The following ZNF385D variants were observed in gnomAD, a reference collection of about 807,000 sequenced individuals.
ZNF385D encodes zinc finger protein 659.
In ZNF385D, 15 loss-of-function variants were observed where a neutral mutation model predicts 35.8. That is an observed-to-expected ratio of 0.42 (90% confidence interval 0.28 to 0.64). ZNF385D has a LOEUF of 0.64. ZNF385D is among the 30% of genes least tolerant of loss of function. The probability of loss-of-function intolerance (pLI) is 0.23; values close to 1 mark genes in which losing one functional copy is unlikely to be tolerated. For synonymous variants in ZNF385D, 212 were observed against 186.8 expected (o/e 1.13, Z -1.10); for missense variants, 474 against 494.6 (o/e 0.96, Z 0.39).
chr3:22,224,868 A>C (rs1698463532), intron 2 of ZNF385D, among the ~76,000 whole-genome samples: 1 of 152,102 alleles, frequency 6.6e-6, no homozygotes, highest in Admixed American at 6.6e-5. Flanking sequence ...ACCTCTATTC[A>C]TGAGAGTTTT....
intron 4 of ZNF385D, among the ~76,000 whole-genome samples, chr3:21,503,906 A>G (rs1201168404): frequency 2.0e-5 from 3 of 152,164 alleles, no homozygotes; most frequent in Non-Finnish European, 4.4e-5. Context: ...ATTCAAAAGT[A>G]TTTTACTTTT....
chr3:21,585,599 G>A (rs1376749529), intron 2 of ZNF385D, among the ~76,000 whole-genome samples: 2 of 152,142 alleles, frequency 1.3e-5, no homozygotes, highest in African/African-American at 4.8e-5. Context: ...TAATCTGGCT[G>A]CCTACGCACC....
chr3:21,861,559 A>T (rs189837660), intron 3 of ZNF385D, among the ~76,000 whole-genome samples: 1 of 152,134 alleles, frequency 6.6e-6, no homozygotes, highest in Non-Finnish European at 1.5e-5. Flanking sequence ...GTTGAACACT[A>T]AAATCACTGA....
intron 2 of ZNF385D, among the ~76,000 whole-genome samples, chr3:22,270,831 T>A (rs1701138450): frequency 6.6e-6 from 1 of 152,026 alleles, no homozygotes. Context: ...ACTTATGTAA[T>A]TTTCCTCTGT....
intron 3 of ZNF385D, among the ~76,000 whole-genome samples, chr3:22,110,528 T>C (rs1702463292): frequency 6.6e-6 from 1 of 151,754 alleles, no homozygotes; most frequent in African/African-American, 2.4e-5. Context: ...CTCAGCAAAC[T>C]ATCACAAGGA....
At chr3:21,793,703 AT>A (rs2072023849) in intron 3 of ZNF385D, among the ~76,000 whole-genome samples, 1 of 152,230 alleles carries the variant, frequency 6.6e-6, no homozygotes, top group Non-Finnish European at 1.5e-5. Flanking sequence ...TTTAGAAATG[AT>A]TTTTAAATAG....
intron 5 of ZNF385D, among the ~76,000 whole-genome samples, chr3:21,436,591 G>A (rs368472821): frequency 3.9e-5 from 6 of 152,036 alleles, no homozygotes; most frequent in East Asian, 1.9e-4. Flanking sequence ...TTAGAGTCAC[G>A]CAACTACACA....
upstream of ZNF385D, among the ~76,000 whole-genome samples, chr3:21,755,589 G>C (rs1168592831): frequency 6.6e-6 from 1 of 152,094 alleles, no homozygotes; most frequent in Non-Finnish European, 1.5e-5. Context: ...GACTAAATGA[G>C]GTGTTGTTTG....
chr3:21,710,961 C>T (rs2068076946), intron 1 of ZNF385D, among the ~76,000 whole-genome samples: 1 of 151,464 alleles, frequency 6.6e-6, no homozygotes. Context: ...CCCATTCCTT[C>T]CTCTATCATA....
At chr3:22,230,577 A>C (rs1452262083) in intron 2 of ZNF385D, among the ~76,000 whole-genome samples, 1 of 152,176 alleles carries the variant, frequency 6.6e-6, no homozygotes, top group African/African-American at 2.4e-5. Context: ...AAATAAGCAC[A>C]ACCAGTTACT....
intron 2 of ZNF385D, among the ~76,000 whole-genome samples, chr3:22,181,528 C>G (rs1015770370): frequency 2.0e-5 from 3 of 152,012 alleles, no homozygotes; most frequent in Non-Finnish European, 4.4e-5. Context: ...AACCCCCTCT[C>G]TACTAAACAC....
chr3:22,111,990 T>C (rs561102532), intron 3 of ZNF385D, among the ~76,000 whole-genome samples: 1 of 152,272 alleles, frequency 6.6e-6, no homozygotes, highest in African/African-American at 2.4e-5. Flanking sequence ...TCGGCTGTGC[T>C]AATATGCATA....
Position 22,151,818 on chromosome 3 carries a change from G to C in ZNF385D, c.325+16999C>G, listed in dbSNP as rs1188987811. On this transcript the variant is annotated intron_variant, in intron 3 of 5. Transcript: ENST00000494108. ...CCACCGTGAGCCCTTTAACCACAAG[G>C]GCTAGAAGAAAATTCAATTTACCTC... 2.0e-5 allele frequency among the ~76,000 whole-genome samples: 3 copies of C among 151,960 alleles called. No homozygotes were observed. The East Asian group carries it at 5.8e-4, about 29-fold the overall frequency.
chr3:22,131,792 A>G (rs1703810616), intron 3 of ZNF385D, among the ~76,000 whole-genome samples: 1 of 152,278 alleles, frequency 6.6e-6, no homozygotes, highest in South Asian at 2.1e-4. Context: ...GAGAATACAG[A>G]TGAGAGAAAG....
At chr3:22,000,442 G>C (rs144729693) in intron 3 of ZNF385D, among the ~76,000 whole-genome samples, 1 of 152,078 alleles carries the variant, frequency 6.6e-6, no homozygotes, top group Admixed American at 6.5e-5. Flanking sequence ...TACCCTATAT[G>C]GTCTAAAAAG....
At chr3:21,980,328 A>T (rs1222513798) in intron 3 of ZNF385D, among the ~76,000 whole-genome samples, 1 of 152,180 alleles carries the variant, frequency 6.6e-6, no homozygotes, top group African/African-American at 2.4e-5. Flanking sequence ...TCGCTTTTGA[A>T]TTCCTGACTC....
intron 2 of ZNF385D, among the ~76,000 whole-genome samples, chr3:22,306,729 G>C (rs1373828122): frequency 6.6e-6 from 1 of 152,088 alleles, no homozygotes; most frequent in Admixed American, 6.6e-5. Flanking sequence ...GGAGAGATAA[G>C]ATTTGCTAAT....
chr3:22,066,209 C>A (rs1699939961), intron 3 of ZNF385D, among the ~76,000 whole-genome samples: 1 of 151,374 alleles, frequency 6.6e-6, no homozygotes, highest in Non-Finnish European at 1.5e-5. Flanking sequence ...AAGTTATGCT[C>A]AGAAAAGAAA....
chr3:21,760,099 C>A (rs963046300), intron 3 of ZNF385D, among the ~76,000 whole-genome samples: 4 of 152,162 alleles, frequency 2.6e-5, no homozygotes, highest in African/African-American at 9.7e-5. Context: ...ACATTCTTTT[C>A]ATTATCTCTC....
Sources: allele counts gnomAD v4.1 joint callset (sites outside exome capture counted in the v4.1 genomes callset), GRCh38; gene constraint gnomAD v4.1.1; transcripts MANE v1.5; gene names NCBI Gene and HGNC (gene_info 2026-07-23, HGNC 2026-07-21).